Variants in RPA3 observed in about 807,000 individuals in gnomAD.
RPA3 encodes replication protein A 14 kDa subunit.
In RPA3, 24 loss-of-function variants were observed where a neutral mutation model predicts 13.7. That is an observed-to-expected ratio of 1.75 (90% CI 1.27 to 2.46). The LOEUF is 2.46. RPA3 is among the 30% of genes most tolerant of loss of function. RPA3 has a pLI of 0.00. For synonymous variants in RPA3, 59 were observed against 51.2 expected (o/e 1.15, Z -0.65); for missense variants, 183 against 151.0 (o/e 1.21, Z -1.11).
intron 4 of RPA3, among the ~76,000 whole-genome samples, chr7:7,647,470 G>A (rs999686541): frequency 1.3e-5 from 2 of 152,202 alleles, no homozygotes; most frequent in Non-Finnish European, 2.9e-5. Context: ...GTTGGATCCA[G>A]TGTGTAAATT....
intron 4 of RPA3, among the ~76,000 whole-genome samples, chr7:7,661,357 A>G (rs1208562735): frequency 6.6e-6 from 1 of 152,060 alleles, no homozygotes; most frequent in Non-Finnish European, 1.5e-5. Context: ...CTTGCTGCTG[A>G]GGAGTTATGA....
At chr7:7,679,987 G>T (rs1779868987) in intron 4 of RPA3, among the ~76,000 whole-genome samples, 1 of 151,880 alleles carries the variant, frequency 6.6e-6, no homozygotes, top group South Asian at 2.1e-4. Context: ...CATTCTGTGG[G>T]TTGTCTCTTT....
chr7:7,665,840 G>C (rs1414846955), intron 4 of RPA3, among the ~76,000 whole-genome samples: 2 of 147,852 alleles, frequency 1.4e-5, no homozygotes, highest in Non-Finnish European at 3.0e-5. Flanking sequence ...TTTTTTTTGA[G>C]ATCGTTGCAT....
At chr7:7,652,614 C>T (rs1471048805) in intron 4 of RPA3, among the ~76,000 whole-genome samples, 1 of 152,174 alleles carries the variant, frequency 6.6e-6, no homozygotes, top group Non-Finnish European at 1.5e-5. Context: ...GATAAAGAGG[C>T]AGGAAGTAGA....
chr7:7,678,015 A>G (rs1779792145), intron 4 of RPA3, among the ~76,000 whole-genome samples: 2 of 152,098 alleles, frequency 1.3e-5, no homozygotes, highest in African/African-American at 4.8e-5. Flanking sequence ...TTGATTCTAT[A>G]TGTTGGCTAT....
At chr7:7,695,093 G>C (rs531452395) in intron 2 of RPA3, among the ~76,000 whole-genome samples, 127 of 152,276 alleles carry the variant, frequency 8.3e-4, no homozygotes, top group Non-Finnish European at 1.3e-3. Context: ...ACTGGGGTGA[G>C]ATGATATCTT....
intron 4 of RPA3, among the ~76,000 whole-genome samples, chr7:7,663,663 C>T (rs192578217): frequency 2.8e-4 from 43 of 152,276 alleles, no homozygotes; most frequent in African/African-American, 1.0e-3. Flanking sequence ...TAGTGAGATA[C>T]TGCAACTGGT....
intron 5 of RPA3, 145 bp from the exon 6 acceptor site, chr7:7,639,289 T>G: frequency 1.7e-6 from 1 of 576,156 alleles, no homozygotes; most frequent in Non-Finnish European, 3.1e-6. Context: ...TTGGATCAAA[T>G]TATAATCTTA....
rs570777029 is a variant in RPA3 at position 7,644,395 on chromosome 7, A to G, written c.-757-3220T>C. Among the ~76,000 whole-genome samples the G allele has an allele frequency of 2.0e-5, 3 of 149,760 alleles. No individual in the cohort carries two copies. The South Asian group carries it at 6.3e-4, about 31-fold the overall frequency. ...TAGGAAGACCTCTTTTAATATAGTTAAACATTTTCCCCCTTAAGTTTAATG... is the reference window on the plus strand; with the variant it reads ...TAGGAAGACCTCTTTTAATATAGTTGAACATTTTCCCCCTTAAGTTTAATG... On this transcript the variant is annotated intron_variant, in intron 4 of 7. Transcript: ENST00000223129.
At chr7:7,687,901 G>A (rs1319428555) in intron 2 of RPA3, among the ~76,000 whole-genome samples, 1 of 152,040 alleles carries the variant, frequency 6.6e-6, no homozygotes, top group Non-Finnish European at 1.5e-5. Flanking sequence ...TTTATTTCTG[G>A]CATCCATCAT....
chr7:7,705,335 C>T (rs1780570975), intron 2 of RPA3, among the ~76,000 whole-genome samples: 1 of 152,154 alleles, frequency 6.6e-6, no homozygotes. Flanking sequence ...AATGTTTAAT[C>T]ATAATAACCA....
At chr7:7,645,064 T>C (rs1035217929) in intron 4 of RPA3, among the ~76,000 whole-genome samples, 2 of 152,234 alleles carry the variant, frequency 1.3e-5, no homozygotes, top group Non-Finnish European at 2.9e-5. Context: ...ATGAATGGTA[T>C]CATTTTTTAA....
At chr7:7,679,759 C>G (rs1303375964) in intron 4 of RPA3, among the ~76,000 whole-genome samples, 1 of 147,466 alleles carries the variant, frequency 6.8e-6, no homozygotes, top group Non-Finnish European at 1.5e-5. Context: ...GAGGCAATAA[C>G]TCACTATGTT....
At chr7:7,697,732 T>C (rs1780354985) in intron 2 of RPA3, among the ~76,000 whole-genome samples, 1 of 152,226 alleles carries the variant, frequency 6.6e-6, no homozygotes, top group Admixed American at 6.5e-5. Flanking sequence ...GATCATCAGG[T>C]AGTAAACTGG....
intron 2 of RPA3, among the ~76,000 whole-genome samples, chr7:7,713,476 C>A (rs1018030579): frequency 2.6e-5 from 4 of 151,910 alleles, no homozygotes; most frequent in African/African-American, 9.7e-5. Context: ...TCCTCCCCCC[C>A]ATGGCAATAT....
chr7:7,676,608 A>G (rs1383325860), intron 4 of RPA3, among the ~76,000 whole-genome samples: 2 of 152,190 alleles, frequency 1.3e-5, no homozygotes, highest in South Asian at 4.1e-4. Flanking sequence ...ATTTGTTTTA[A>G]TAAAAGAAGG....
intron 4 of RPA3, among the ~76,000 whole-genome samples, chr7:7,656,975 CTGT>C (rs1254874701): frequency 1.3e-5 from 2 of 152,220 alleles, no homozygotes; most frequent in Non-Finnish European, 2.9e-5. Context: ...TCTCCAGCAT[CTGT>C]TGTTTCCTGA....
At chr7:7,669,990 T>C (rs1320073317) in intron 4 of RPA3, among the ~76,000 whole-genome samples, 2 of 152,228 alleles carry the variant, frequency 1.3e-5, no homozygotes, top group East Asian at 1.9e-4. Context: ...TATAATGTTA[T>C]GCTTTGCCAG....
At chr7:7,699,823 G>T (rs1033926568) in intron 2 of RPA3, among the ~76,000 whole-genome samples, 1 of 152,190 alleles carries the variant, frequency 6.6e-6, no homozygotes, top group Admixed American at 6.5e-5. Flanking sequence ...ATGAGTAGAT[G>T]AATTGGCATG....
Sources: gnomAD v4.1 joint callset for allele counts (sites outside exome capture counted in the v4.1 genomes callset) on GRCh38, gnomAD v4.1.1 for gene constraint, MANE v1.5 for transcripts, NCBI Gene and HGNC (gene_info 2026-07-23, HGNC 2026-07-21) for gene names.